The following MDGA2 variants were observed in gnomAD, a reference collection of about 807,000 sequenced individuals.
MDGA2 encodes the protein MAM domain-containing glycosylphosphatidylinositol anchor protein 2.
MDGA2 carries 40 observed loss-of-function variants against 117.8 expected under a neutral mutation model. The ratio of observed to expected loss-of-function variants is 0.34; its 90% CI spans 0.26 to 0.44. The LOEUF (loss-of-function observed/expected upper bound fraction) is 0.44, where lower values mean the gene tolerates loss of function less well. MDGA2 is among the 20% of genes least tolerant of loss of function. MDGA2 has a pLI of 1.00. For missense variants in MDGA2, 1,123 were observed against 1,250.6 expected (o/e 0.90, Z 1.54); for synonymous variants, 452 against 439.0 (o/e 1.03, Z -0.37).
chr14:47,085,066 GA>G lies in MDGA2; in HGVS notation c.1195+11787del, dbSNP rs555754167. Among the ~76,000 whole-genome samples the G allele has an allele frequency of 2.9e-3, 440 of 149,778 alleles. 4 individuals are homozygous for G. Among genetic ancestry groups the G allele is most frequent in the African/African-American group, 0.01 (417 of 40,886 alleles). ...AGTTCTAAATAATCCTTGGGTCAAA[GA>G]AAAAAAAATCACAGTGAAAATAAGA... On this transcript the variant is annotated intron_variant, in intron 6 of 16. Coordinates refer to ENST00000399232, the MANE Select transcript of MDGA2 (RefSeq NM_001113498.3).
At chr14:47,011,147 T>C (rs958511905) in intron 8 of MDGA2, among the ~76,000 whole-genome samples, 6 of 151,768 alleles carry the variant, frequency 4.0e-5, no homozygotes, top group African/African-American at 1.2e-4. Flanking sequence ...AGTAGAACAA[T>C]TGCAAACAAA....
At chr14:47,343,173 A>T in intron 1 of MDGA2, 1 of 1,152,530 alleles carries the variant, frequency 8.7e-7, no homozygotes, top group Non-Finnish European at 1.1e-6. Flanking sequence ...TCCACTTATC[A>T]TTCTGGTACA....
At chr14:47,477,971 T>C (rs111436309) in intron 1 of MDGA2, among the ~76,000 whole-genome samples, 65 of 152,294 alleles carry the variant, frequency 4.3e-4, no homozygotes, top group African/African-American at 1.4e-3. Context: ...ACCTTCTTAT[T>C]CCCAGACTAC....
intron 3 of MDGA2, chr14:47,200,857 C>T (rs1223438624): frequency 8.3e-6 from 7 of 841,346 alleles, no homozygotes; most frequent in South Asian, 2.7e-5. Context: ...TGTCATAGGG[C>T]GGTGGGATGC....
chr14:47,648,775 T>C (rs571568488), intron 1 of MDGA2, among the ~76,000 whole-genome samples: 28 of 152,288 alleles, frequency 1.8e-4, no homozygotes, highest in Non-Finnish European at 3.8e-4. Context: ...TGAAGTGTTC[T>C]TAAAATAAAG....
At chr14:46,917,384 T>C (rs1883942124) in intron 10 of MDGA2, among the ~76,000 whole-genome samples, 1 of 152,226 alleles carries the variant, frequency 6.6e-6, no homozygotes, top group Non-Finnish European at 1.5e-5. Flanking sequence ...CAAGAGTACC[T>C]GGCCTGTGGA....
intron 8 of MDGA2, among the ~76,000 whole-genome samples, chr14:46,962,039 A>T (rs1885832736): frequency 6.6e-6 from 1 of 152,182 alleles, no homozygotes; most frequent in African/African-American, 2.4e-5. Context: ...ATTTTGATCA[A>T]TTTGATTCTA....
chr14:47,094,704 GCT>G (rs773270220), intron 6 of MDGA2, among the ~76,000 whole-genome samples: 5 of 151,918 alleles, frequency 3.3e-5, no homozygotes, highest in Admixed American at 1.3e-4. Flanking sequence ...ATACTTCAAT[GCT>G]TTAATCATCA....
At chr14:47,665,025 C>T (rs1256661869) in intron 1 of MDGA2, among the ~76,000 whole-genome samples, 1 of 152,168 alleles carries the variant, frequency 6.6e-6, no homozygotes, top group Non-Finnish European at 1.5e-5. Context: ...AGGACAGATA[C>T]ATCTTTCTAG....
intron 8 of MDGA2, among the ~76,000 whole-genome samples, chr14:46,986,544 C>G (rs1488042444): frequency 6.6e-6 from 1 of 152,002 alleles, no homozygotes; most frequent in Non-Finnish European, 1.5e-5. Flanking sequence ...TTCTCATGTA[C>G]AGGCTGATTA....
In MDGA2 at chr14:47,357,975, TC is replaced by T. The variant is rs1415288692; in HGVS notation, c.281-56426del. The stretch of plus-strand genomic sequence containing the variant: ...TCAGAGGGGGATTTGTAACCCATAG[TC>T]CCTGGGTTTTCTGGTACACACTGTG... On this transcript the variant is annotated intron_variant, in intron 1 of 16. Coordinates refer to ENST00000399232, the MANE Select transcript of MDGA2 (RefSeq NM_001113498.3). Among the ~76,000 whole-genome samples the T allele has an allele frequency of 3.3e-5, 5 of 152,200 alleles. No homozygotes were observed. The South Asian group carries it at 1.0e-3, about 32-fold the overall frequency.
At chr14:46,865,634 A>G (rs1881724239) in intron 14 of MDGA2, among the ~76,000 whole-genome samples, 1 of 152,072 alleles carries the variant, frequency 6.6e-6, no homozygotes, top group African/African-American at 2.4e-5. Context: ...TTGTATATCT[A>G]GAAAACCCCA....
intron 8 of MDGA2, among the ~76,000 whole-genome samples, chr14:46,977,807 G>T (rs1468615581): frequency 6.6e-6 from 1 of 151,434 alleles, no homozygotes; most frequent in African/African-American, 2.4e-5. Flanking sequence ...AGAAATTGGG[G>T]AGATAATGTA....
At chr14:47,509,059 T>C (rs750105495) in intron 1 of MDGA2, among the ~76,000 whole-genome samples, 1 of 152,086 alleles carries the variant, frequency 6.6e-6, no homozygotes, top group Non-Finnish European at 1.5e-5. Context: ...CAGGTTTCTA[T>C]GAAGAAAGTT....
chr14:47,097,696 C>T (rs1425063778), intron 5 of MDGA2, among the ~76,000 whole-genome samples: 1 of 151,908 alleles, frequency 6.6e-6, no homozygotes, highest in African/African-American at 2.4e-5. Context: ...ATGCAGTGTC[C>T]ATACTTCATC....
At chr14:47,579,214 G>GTAAA (rs1349602560) in intron 1 of MDGA2, among the ~76,000 whole-genome samples, 1 of 151,998 alleles carries the variant, frequency 6.6e-6, no homozygotes, top group African/African-American at 2.4e-5. Context: ...AGTTTTTGTA[G>GTAAA]TAAAGTATGA....
At chr14:46,900,099 G>T (rs917258372) in intron 10 of MDGA2, among the ~76,000 whole-genome samples, 8 of 152,096 alleles carry the variant, frequency 5.3e-5, no homozygotes, top group African/African-American at 1.9e-4. Flanking sequence ...ATATACAGAT[G>T]GAAAATAAAC....
intron 1 of MDGA2, among the ~76,000 whole-genome samples, chr14:47,664,826 T>C (rs544554908): frequency 6.6e-6 from 1 of 152,334 alleles, no homozygotes; most frequent in Non-Finnish European, 1.5e-5. Flanking sequence ...CTTTAAAAAG[T>C]CTTTGAGTTT....
intron 7 of MDGA2, chr14:47,059,079 G>C (rs1044632898): frequency 1.9e-6 from 2 of 1,031,516 alleles, no homozygotes; most frequent in Admixed American, 5.5e-5. Flanking sequence ...AATAAGGGCA[G>C]TAAGAGGCAC....
Sources: allele counts gnomAD v4.1 joint callset (sites outside exome capture counted in the v4.1 genomes callset), GRCh38; gene constraint gnomAD v4.1.1; transcripts MANE v1.5; gene names NCBI Gene and HGNC (gene_info 2026-07-23, HGNC 2026-07-21).